The following ZNF880 variants were observed in gnomAD, a reference collection of about 807,000 sequenced individuals.
ZNF880 encodes zinc finger protein 880.
A neutral mutation model predicts 11.8 loss-of-function variants in ZNF880; 12 were observed. The ratio of observed to expected loss-of-function variants is 1.02; its 90% CI spans 0.65 to 1.65. The LOEUF (loss-of-function observed/expected upper bound fraction) is 1.65. Ranked by LOEUF, ZNF880 falls within the 40% of genes most tolerant of loss-of-function variation. ZNF880 has a pLI of 0.00. For missense variants in ZNF880, 601 were observed against 673.9 expected, an observed-to-expected ratio of 0.89 and a Z score of 1.20; for synonymous variants, 210 against 232.4, an observed-to-expected ratio of 0.90 and a Z score of 0.88.
In ZNF880 at chr19:52,385,347, A is replaced by G; in HGVS notation, c.*33A>G. 1.3e-6 allele frequency: 2 copies of G among 1,539,724 alleles called. No individual in the cohort carries two copies. Among genetic ancestry groups the G allele is most frequent in the Non-Finnish European group, 1.8e-6 (2 of 1,138,384 alleles). Reference sequence around the variant, plus strand: ...GTGGTAAGATCTTTAGTAATAATTCACACCTTGCACAGCATGAGATAATTC... The same window carrying G: ...GTGGTAAGATCTTTAGTAATAATTCGCACCTTGCACAGCATGAGATAATTC... On this transcript the variant is annotated 3_prime_UTR_variant, in exon 4 of 4. Coordinates refer to ENST00000422689, the MANE Select transcript of ZNF880 (RefSeq NM_001145434.2).
upstream of ZNF880, among the ~76,000 whole-genome samples, chr19:52,369,740 T>A (rs975919225): frequency 3.3e-5 from 5 of 152,112 alleles, no homozygotes; most frequent in African/African-American, 7.2e-5. Flanking sequence ...TTCCTGGATC[T>A]AATCATCAAC....
chr19:52,393,835 C>CTTT, the ZNF880 span, among the ~76,000 whole-genome samples: 183 of 109,152 alleles, frequency 1.7e-3, 1 homozygote, highest in East Asian at 5.7e-3. Context: ...TGCCCCCCCC[C>CTTT]TTTTTTTTTT....
chr19:52,369,788 T>G (rs1986299463), upstream of ZNF880: 1 of 674,168 alleles, frequency 1.5e-6, no homozygotes, highest in Non-Finnish European at 2.6e-6. Flanking sequence ...TATTTCCAGA[T>G]AGCTGAGTTC....
chr19:52,385,583 G>A lies in ZNF880; in HGVS notation c.*269G>A. On this transcript the variant is annotated 3_prime_UTR_variant, in exon 4 of 4. Transcript: ENST00000422689. Reference sequence around the variant, plus strand: ...TATGTATGCTGAGGCTATTATTCAAGGACCATTACTATGGAACATGATAAG... The same window carrying A: ...TATGTATGCTGAGGCTATTATTCAAAGACCATTACTATGGAACATGATAAG... The A allele has an allele frequency of 3.1e-6, 1 of 320,124 alleles. No homozygotes were observed. The highest frequency in any genetic ancestry group is 5.5e-6 in the Non-Finnish European group (1 of 182,786). 19.8% of individuals were successfully genotyped at this position (320,124 alleles called of 1,614,324 possible).
rs1986780160 is a variant in ZNF880 at position 52,384,082 on chromosome 19, T to C, written c.502T>C (p.Ser168Pro). ...TAAATACAGAAATGATTTTGATGATTCTCCATTTCTCCCACAAGAACAAAA... is the reference window on the plus strand; with the variant it reads ...TAAATACAGAAATGATTTTGATGATCCTCCATTTCTCCCACAAGAACAAAA... ...LNKYRNDFDD[S>P]PFLPQEQKAQ... Residue 168 changes from serine (S) to proline (P), a missense_variant, in exon 4 of 4, where the codon TCT becomes CCT. This residue lies in a region of ZNF880 where 420 missense variants were observed against 442.6 expected (regional missense o/e 0.95). Coordinates refer to ENST00000422689, the MANE Select transcript of ZNF880 (RefSeq NM_001145434.2). The C allele has an allele frequency of 4.4e-6, 7 of 1,584,578 alleles. No homozygotes were observed. The East Asian group carries it at 1.6e-4, about 36-fold the overall frequency.
At chr19:52,370,974 CTT>C (rs1467349108) in intron 1 of ZNF880, among the ~76,000 whole-genome samples, 1 of 152,142 alleles carries the variant, frequency 6.6e-6, no homozygotes, top group Non-Finnish European at 1.5e-5. Context: ...ACAGACAACT[CTT>C]TCAGTTGTCA....
chr19:52,371,361 C>A (rs759973616), intron 1 of ZNF880, among the ~76,000 whole-genome samples: 21 of 144,782 alleles, frequency 1.5e-4, no homozygotes, highest in Middle Eastern at 3.3e-3. Context: ...TTTTTTTTTT[C>A]TTTTTCTGAG....
chr19:52,373,130 A>G lies in ZNF880; in HGVS notation c.32A>G (p.Asp11Gly), dbSNP rs772900955. MLRRGHLAFR[D>G]VAIEFPQEEW... ...TTTTAGGGACACTTGGCATTCAGGG[A>G]CGTGGCCATAGAATTCCCTCAGGAG... Residue 11 changes from aspartate to glycine, a missense_variant, in exon 2 of 4, where the codon GAC becomes GGC. Asp to Gly is a moderately conservative substitution (Grantham distance 94). Transcript: ENST00000422689. The G allele has an allele frequency of 1.9e-6, 3 of 1,613,230 alleles. No homozygotes were observed. Among genetic ancestry groups the G allele is most frequent in the Admixed American group, 3.3e-5 (2 of 59,954 alleles).
At chr19:52,373,850 T>C (rs1986470292) in intron 2 of ZNF880, among the ~76,000 whole-genome samples, 1 of 151,488 alleles carries the variant, frequency 6.6e-6, no homozygotes, top group Non-Finnish European at 1.5e-5. Context: ...TTTGTATTTT[T>C]AGTGGAGATG....
At position 52,374,663 on chromosome 19, in the gene ZNF880, G is replaced by A. The variant is rs542348315; in HGVS notation, c.268+236G>A. ...AACCACACTTTGAGTTTCTGTTTGG[G>A]AGCTCTCTGCAAGTGAGAGAATTCT... is the stretch of plus-strand genomic sequence containing the variant. On this transcript the variant is annotated intron_variant, in intron 3 of 3. Transcript: ENST00000422689. 4.5e-6 allele frequency: 3 copies of A among 661,136 alleles called. No individual in the cohort carries two copies. The East Asian group carries it at 8.1e-5, about 18-fold the overall frequency. The allele number at this position is 661,136 out of a possible 1,614,324, so 41.0% of individuals were successfully genotyped here.
chr19:52,371,243 C>T (rs766916172), intron 1 of ZNF880, among the ~76,000 whole-genome samples: 4 of 152,120 alleles, frequency 2.6e-5, no homozygotes, highest in African/African-American at 4.8e-5. Context: ...TATGGGGATA[C>T]ATGTGCGACA....
chr19:52,378,464 G>A (rs561398153), intron 3 of ZNF880, among the ~76,000 whole-genome samples: 101 of 151,980 alleles, frequency 6.6e-4, no homozygotes, highest in Non-Finnish European at 1.1e-3. Flanking sequence ...CCAACATGGT[G>A]AAACCCCGTC....
At chr19:52,390,050 G>C (rs781665976), downstream of ZNF880, 3 of 155,968 alleles carry the variant, frequency 1.9e-5, no homozygotes, top group Non-Finnish European at 4.3e-5. Flanking sequence ...GTATTAGTCT[G>C]TTCTCACGCT....
intron 3 of ZNF880, among the ~76,000 whole-genome samples, chr19:52,383,350 G>T (rs1030166107): frequency 6.6e-6 from 1 of 152,094 alleles, no homozygotes; most frequent in African/African-American, 2.4e-5. Flanking sequence ...CTGTCCTTTT[G>T]TAGGCCTCGT....
downstream of ZNF880, among the ~76,000 whole-genome samples, chr19:52,386,039 G>A (rs898700343): frequency 5.6e-5 from 8 of 142,300 alleles, no homozygotes; most frequent in South Asian, 2.2e-4. Flanking sequence ...GCCAGGCATG[G>A]TGGCAGACGC....
rs1986419577 is a variant in ZNF880 at position 52,372,795 on chromosome 19, A to G, written c.13-316A>G. 2.0e-5 allele frequency among the ~76,000 whole-genome samples: 3 copies of G among 149,968 alleles called. No homozygotes were observed. In the South Asian group the frequency reaches 6.3e-4, roughly 32 times the overall value. On this transcript the variant is annotated intron_variant, in intron 1 of 3. Transcript: ENST00000422689. ...CGTGGTGGCGGGCGCCTGTAGTCCC[A>G]GCTACTCGGGAGGCTGAGGCAGGAG...
At chr19:52,387,882 A>T (rs1986929084), downstream of ZNF880, among the ~76,000 whole-genome samples, 1 of 126,182 alleles carries the variant, frequency 7.9e-6, no homozygotes, top group African/African-American at 3.4e-5. Flanking sequence ...GGAAAATATT[A>T]ATGTTCATAA....
chr19:52,392,701 AAAG>A, the ZNF880 span: 1 of 228,488 alleles, frequency 4.4e-6, no homozygotes, highest in Non-Finnish European at 1.0e-5. Context: ...ATGTGGGAGC[AAAG>A]GAGAGAGCCC....
intron 1 of ZNF880, 105 bp downstream of exon 1, chr19:52,370,082 C>A: frequency 7.1e-7 from 1 of 1,400,306 alleles, no homozygotes; most frequent in Non-Finnish European, 9.9e-7. Context: ...CCGCATCGCT[C>A]CCTCCACCCC....
Sources: gnomAD v4.1 joint callset for allele counts (sites outside exome capture counted in the v4.1 genomes callset) on GRCh38, gnomAD v4.1.1 for gene constraint, gnomAD v4.1.1 regional missense constraint, MANE v1.5 for transcripts, NCBI Gene and HGNC (gene_info 2026-07-23, HGNC 2026-07-21) for gene names.